Variants in TRIM37 observed in about 807,000 individuals in gnomAD.
TRIM37 encodes the protein E3 ubiquitin-protein ligase TRIM37.
Under a neutral mutation model 129.8 loss-of-function variants are expected in TRIM37, and 80 were observed. The ratio of observed to expected loss-of-function variants is 0.62; its 90% CI spans 0.51 to 0.74. TRIM37 has a LOEUF of 0.74. Among genes scored for constraint, TRIM37 ranks in the 30% least tolerant of loss-of-function variants. TRIM37 has a pLI of 0.00. For synonymous variants in TRIM37, 389 were observed against 387.1 expected, an observed-to-expected ratio of 1.00 and a Z score of -0.06; for missense variants, 1,054 against 1,176.5, an observed-to-expected ratio of 0.90 and a Z score of 1.52.
intron 24 of TRIM37, chr17:58,984,147 C>A (rs1002717729): frequency 6.6e-6 from 1 of 152,640 alleles, no homozygotes; most frequent in African/African-American, 2.4e-5. Flanking sequence ...ATTAAAGTTA[C>A]TGTTGCATTT....
At chr17:58,991,836 C>T (rs1425366276) in intron 24 of TRIM37, among the ~76,000 whole-genome samples, 1 of 152,150 alleles carries the variant, frequency 6.6e-6, no homozygotes, top group Non-Finnish European at 1.5e-5. Flanking sequence ...TGGTATGTCA[C>T]TGTGGAGGTT....
intron 22 of TRIM37, among the ~76,000 whole-genome samples, chr17:59,006,986 G>A (rs1362524314): frequency 2.0e-5 from 3 of 152,048 alleles, no homozygotes; most frequent in Non-Finnish European, 4.4e-5. Flanking sequence ...GGTGCTTAGA[G>A]AAAGGTTGTT....
intron 22 of TRIM37, among the ~76,000 whole-genome samples, chr17:59,005,565 G>A (rs2034373213): frequency 6.6e-6 from 1 of 152,132 alleles, no homozygotes; most frequent in Non-Finnish European, 1.5e-5. Flanking sequence ...TTATAGGTGT[G>A]AGCCACCGCA....
intron 12 of TRIM37, among the ~76,000 whole-genome samples, chr17:59,060,014 A>G (rs1264759640): frequency 3.3e-5 from 5 of 152,184 alleles, no homozygotes; most frequent in Non-Finnish European, 7.3e-5. Flanking sequence ...ATATGCCCTG[A>G]TAAGTACTCT....
Position 59,070,359 on chromosome 17 carries a change from G to T in TRIM37, c.809+464C>A, listed in dbSNP as rs542687878. ...TCAGTTTCTGAGTTTTGTGTTAGGA[G>T]ATATAGTTCAATTCAAAAGGTACAC... On this transcript the variant is annotated intron_variant, in intron 9 of 23. Coordinates refer to ENST00000262294, the MANE Select transcript of TRIM37 (RefSeq NM_015294.6). 6.4e-4 allele frequency among the ~76,000 whole-genome samples: 97 copies of T among 152,204 alleles called. 1 individual carries two copies. Among genetic ancestry groups the T allele is most frequent in the African/African-American group, 2.3e-3 (96 of 41,532 alleles).
At chr17:59,016,122 G>A (rs1035303052) in intron 20 of TRIM37, among the ~76,000 whole-genome samples, 2 of 152,070 alleles carry the variant, frequency 1.3e-5, no homozygotes, top group Admixed American at 1.3e-4. Flanking sequence ...GGCCAGGTGT[G>A]GTGGCTCATG....
chr17:58,987,054 C>G (rs2031886719), intron 24 of TRIM37, among the ~76,000 whole-genome samples: 1 of 152,138 alleles, frequency 6.6e-6, no homozygotes, highest in African/African-American at 2.4e-5. Flanking sequence ...CACGCAACCT[C>G]CAGATGAAGT....
chr17:59,096,444 C>T (rs1179858818), intron 2 of TRIM37, among the ~76,000 whole-genome samples: 6 of 150,368 alleles, frequency 4.0e-5, no homozygotes, highest in Non-Finnish European at 7.4e-5. Context: ...CCCAGCTACT[C>T]GGGAGGCTGA....
At chr17:59,002,959 T>C (rs1598818831) in intron 22 of TRIM37, among the ~76,000 whole-genome samples, 1 of 152,206 alleles carries the variant, frequency 6.6e-6, no homozygotes, top group Admixed American at 6.5e-5. Flanking sequence ...CAATCATGGC[T>C]TACCACAGCC....
downstream of TRIM37, chr17:58,981,899 G>A (rs1363644922): frequency 6.6e-6 from 1 of 152,586 alleles, no homozygotes; most frequent in Non-Finnish European, 1.5e-5. Flanking sequence ...ACACTATAGA[G>A]TCAAAATACC....
At chr17:58,986,260 G>A (rs1277791910) in intron 24 of TRIM37, among the ~76,000 whole-genome samples, 5 of 151,570 alleles carry the variant, frequency 3.3e-5, no homozygotes, top group Non-Finnish European at 7.4e-5. Context: ...GTGCAGTGAC[G>A]TGATCTTGGC....
chr17:59,022,615 A>C (rs999421913), intron 19 of TRIM37, among the ~76,000 whole-genome samples: 1 of 152,214 alleles, frequency 6.6e-6, no homozygotes, highest in Non-Finnish European at 1.5e-5. Context: ...TACCTCTTAG[A>C]CTTCTTGTTA....
At chr17:59,041,731 C>A in intron 17 of TRIM37, 82 bp downstream of exon 17, 9 of 1,042,316 alleles carry the variant, frequency 8.6e-6, no homozygotes, top group Non-Finnish European at 1.5e-6. Context: ...GCAGTGGCTA[C>A]CACCTATTTA....
In TRIM37 at chr17:58,986,504, CT is replaced by C. The variant is rs530928011; in HGVS notation, c.2892-3584del. On this transcript the variant is annotated intron_variant, in intron 24 of 24. Coordinates refer to the TRIM37 transcript ENST00000393066. ...TTTTTGATTGCAAGTTTCCATCTGTCTTTTTTTTTTTTTTTTTTCTTTTTTG... is the reference window on the plus strand; with the variant it reads ...TTTTTGATTGCAAGTTTCCATCTGTCTTTTTTTTTTTTTTTTTCTTTTTTG... Among the ~76,000 whole-genome samples, 484 of 124,970 alleles carry C rather than the reference CT, an allele frequency of 3.9e-3. 7 individuals are homozygous for C. The highest frequency in any genetic ancestry group is 0.014 in the East Asian group (60 of 4,322). 82.0% of individuals were successfully genotyped at this position (124,970 alleles called of 152,430 possible).
intron 23 of TRIM37, among the ~76,000 whole-genome samples, chr17:59,000,566 A>G (rs1475434582): frequency 6.6e-6 from 1 of 152,160 alleles, no homozygotes; most frequent in Admixed American, 6.5e-5. Context: ...GTGCCACTGC[A>G]CTTCAGCTTG....
chr17:59,078,194 A>C (rs1023869457), intron 7 of TRIM37, among the ~76,000 whole-genome samples: 2 of 152,162 alleles, frequency 1.3e-5, no homozygotes, highest in African/African-American at 4.8e-5. Context: ...TGAGGCTTAT[A>C]AGACTATTCT....
At chr17:59,081,960 AAAAAAAT>A (rs2043324242) in intron 5 of TRIM37, among the ~76,000 whole-genome samples, 3 of 131,604 alleles carry the variant, frequency 2.3e-5, no homozygotes, top group African/African-American at 8.4e-5. Flanking sequence ...AAATAAAAAA[AAAAAAAT>A]AATAATAATA....
chr17:59,051,833 C>T (rs1374456490), intron 13 of TRIM37, among the ~76,000 whole-genome samples: 1 of 152,050 alleles, frequency 6.6e-6, no homozygotes, highest in South Asian at 2.1e-4. Flanking sequence ...CGGGTTCACG[C>T]CATTCTCCTG....
chr17:59,010,275 A>G (rs1356519883), intron 22 of TRIM37, among the ~76,000 whole-genome samples: 2 of 152,136 alleles, frequency 1.3e-5, no homozygotes, highest in Non-Finnish European at 2.9e-5. Flanking sequence ...GGGAAACACT[A>G]CTGGTATCTA....
Sources: allele counts gnomAD v4.1 joint callset (sites outside exome capture counted in the v4.1 genomes callset), GRCh38; gene constraint gnomAD v4.1.1; transcripts MANE v1.5; gene names NCBI Gene and HGNC (gene_info 2026-07-23, HGNC 2026-07-21).